RGS2: variants seen among roughly 807,000 people sequenced by gnomAD.
RGS2 encodes the protein G0 to G1 switch regulatory 8, 24kD.
Under a neutral mutation model 26.6 loss-of-function variants are expected in RGS2, and 20 were observed. The observed-to-expected ratio is 0.75, with a 90% CI of 0.53 to 1.09. The LOEUF is 1.09. Ranked by LOEUF, RGS2 falls within the 50% of genes least tolerant of loss-of-function variation. The probability of loss-of-function intolerance (pLI) is 0.00; values close to 1 mark genes in which losing one functional copy is unlikely to be tolerated. For missense variants in RGS2, 246 were observed against 245.5 expected, an observed-to-expected ratio of 1.00 and a Z score of -0.01; for synonymous variants, 97 against 79.9, an observed-to-expected ratio of 1.21 and a Z score of -1.14.
Position 192,811,210 on chromosome 1 carries a change from A to G in RGS2, c.441+63A>G, listed in dbSNP as rs1039766926. On this transcript the variant is annotated intron_variant, in intron 4 of 4. Transcript: ENST00000235382. ...CATCTTTAGCACAAAAGTGAAACAA[A>G]GTAATCAAGGACAAAGCGGGCTAGG... 7.1e-6 allele frequency: 10 copies of G among 1,410,350 alleles called. No individual in the cohort carries two copies. The African/African-American group carries it at 1.8e-4, about 25-fold the overall frequency. The allele number at this position is 1,410,350 out of a possible 1,614,324, so 87.4% of individuals were successfully genotyped here.
In RGS2 at chr1:192,811,691, C is replaced by G; in HGVS notation, c.*95C>G. On this transcript the variant is annotated 3_prime_UTR_variant, in exon 5 of 5. Transcript: ENST00000235382. Reference sequence around the variant, plus strand: ...CATAAAGACTGACCTTGAATTCAGCCTGGGTGTTCAGGAAACATCACTCAG... The same window carrying G: ...CATAAAGACTGACCTTGAATTCAGCGTGGGTGTTCAGGAAACATCACTCAG... 1.6e-6 allele frequency: 2 copies of G among 1,226,190 alleles called. No homozygotes were observed. Among genetic ancestry groups the G allele is most frequent in the Non-Finnish European group, 2.4e-6 (2 of 827,476 alleles). 76.0% of individuals were successfully genotyped at this position (1,226,190 alleles called of 1,614,324 possible).
Position 192,809,259 on chromosome 1 carries a change from C to T in RGS2, c.110+78C>T, listed in dbSNP as rs1045796970. On this transcript the variant is annotated intron_variant, in intron 1 of 4. Coordinates refer to ENST00000235382, the MANE Select transcript of RGS2 (RefSeq NM_002923.4). ...TGCAAACGCGGTACTTTCGGGCTCG[C>T]CTTTGACGTTAGGAAACTAGCCTGA... is the stretch of plus-strand genomic sequence containing the variant. 51 of 1,066,930 alleles carry T rather than the reference C, an allele frequency of 4.8e-5. 1 individual carries two copies. In the South Asian group the frequency reaches 6.2e-4, roughly 13 times the overall value. The allele number at this position is 1,066,930 out of a possible 1,614,324, so 66.1% of individuals were successfully genotyped here. A position where few individuals can be genotyped will look rare whatever the true frequency, so the allele number is the denominator to read the frequency against.
At chr1:192,811,317 ATAATTT>A (rs1259954659) in intron 4 of RGS2, 79 bp from the exon 5 acceptor site, 1 of 1,333,034 alleles carries the variant, frequency 7.5e-7, no homozygotes. Context: ...CTAATCACAC[ATAATTT>A]TTATTTTTTG....
rs1480910145 is a variant in RGS2 at position 192,811,566 on chromosome 1, A to G, written c.606A>G (p.Pro202=). The change falls in exon 5 of 5, where the codon CCA becomes CCG. Residue 202 remains proline (P), a synonymous_variant. Transcript: ENST00000235382. ...SEFYQDLCKK[P]QITTEPHAT The stretch of plus-strand genomic sequence containing the variant: ...TCTACCAGGACTTGTGTAAAAAGCC[A>G]CAAATCACCACAGAGCCTCATGCTA... The G allele has an allele frequency of 3.1e-6, 5 of 1,614,170 alleles. No homozygotes were observed. The highest frequency in any genetic ancestry group is 2.2e-5 in the South Asian group (2 of 91,078).
chr1:192,811,701 AGGAAAC>A lies in RGS2; in HGVS notation c.*106_*111del. 9.2e-7 allele frequency: 1 copy of A among 1,092,048 alleles called. No individual in the cohort carries two copies. Among genetic ancestry groups the A allele is most frequent in the South Asian group, 1.3e-5 (1 of 79,714 alleles). 67.6% of individuals were successfully genotyped at this position (1,092,048 alleles called of 1,614,324 possible). A position where few individuals can be genotyped will look rare whatever the true frequency, so the allele number is the denominator to read the frequency against. On this transcript the variant is annotated 3_prime_UTR_variant, in exon 5 of 5. Transcript: ENST00000235382. ...GACCTTGAATTCAGCCTGGGTGTTC[AGGAAAC>A]ATCACTCAGAACTATTGATTCAAAG... is the stretch of plus-strand genomic sequence containing the variant.
At chr1:192,811,363 T>C (rs183357408) in intron 4 of RGS2, 39 bp from the exon 5 acceptor site, 2 of 1,526,476 alleles carry the variant, frequency 1.3e-6, no homozygotes, top group East Asian at 2.3e-5. Flanking sequence ...AATCTTTAAC[T>C]CTGAATACCA....
rs1665589069 is a variant in RGS2 at position 192,811,316 on chromosome 1, C to G, written c.442-86C>G. The G allele has an allele frequency of 5.3e-6, 7 of 1,320,476 alleles. No individual in the cohort carries two copies. In the South Asian group the frequency reaches 8.7e-5, roughly 16 times the overall value. 81.8% of individuals were successfully genotyped at this position (1,320,476 alleles called of 1,614,324 possible). A position where few individuals can be genotyped will look rare whatever the true frequency, so the allele number is the denominator to read the frequency against. ...GACTTAGCTAGTAAAGCTAATCACACATAATTTTTATTTTTTGTTTTCAAA... is the reference window on the plus strand; with the variant it reads ...GACTTAGCTAGTAAAGCTAATCACAGATAATTTTTATTTTTTGTTTTCAAA... On this transcript the variant is annotated intron_variant, in intron 4 of 4. Transcript: ENST00000235382.
chr1:192,811,697 GTTC>G lies in RGS2; in HGVS notation c.*102_*104del. 8.6e-7 allele frequency: 1 copy of G among 1,165,820 alleles called. No individual in the cohort carries two copies. The highest frequency in any genetic ancestry group is 1.2e-5 in the South Asian group (1 of 81,252). 72.2% of individuals were successfully genotyped at this position (1,165,820 alleles called of 1,614,324 possible). A position where few individuals can be genotyped will look rare whatever the true frequency, so the allele number is the denominator to read the frequency against. The stretch of plus-strand genomic sequence containing the variant: ...GACTGACCTTGAATTCAGCCTGGGT[GTTC>G]AGGAAACATCACTCAGAACTATTGA... On this transcript the variant is annotated 3_prime_UTR_variant, in exon 5 of 5. Coordinates refer to ENST00000235382, the MANE Select transcript of RGS2 (RefSeq NM_002923.4).
chr1:192,809,724 G>A (rs2102105551), intron 1 of RGS2, among the ~76,000 whole-genome samples: 1 of 152,104 alleles, frequency 6.6e-6, no homozygotes, highest in East Asian at 1.9e-4. Flanking sequence ...TACAGTCTCT[G>A]GCGTGGTCCA....
In RGS2 at chr1:192,809,084, A is replaced by G. The variant is rs193051407; in HGVS notation, c.13A>G (p.Met5Val). MQSA[M>V]FLAVQHDCRP... ...CGGGAGAACGATAATGCAAAGTGCTATGTTCTTGGCTGTTCAACACGACTG... is the reference window on the plus strand; with the variant it reads ...CGGGAGAACGATAATGCAAAGTGCTGTGTTCTTGGCTGTTCAACACGACTG... Residue 5 changes from methionine to valine, a missense_variant, in exon 1 of 5, where the codon ATG (methionine) becomes GTG (valine). Coordinates refer to ENST00000235382, the MANE Select transcript of RGS2 (RefSeq NM_002923.4). 3.2e-4 allele frequency: 517 copies of G among 1,612,974 alleles called. No individual in the cohort carries two copies. The highest frequency in any genetic ancestry group is 1.2e-3 in the Admixed American group (74 of 60,022).
At chr1:192,809,263 T>G in intron 1 of RGS2, 82 bp downstream of exon 1, 1 of 1,023,576 alleles carries the variant, frequency 9.8e-7, no homozygotes, top group Non-Finnish European at 1.6e-6. Context: ...GGCTCGCCTT[T>G]GACGTTAGGA....
At position 192,810,058 on chromosome 1, in the gene RGS2, G is replaced by A. The variant is rs1665559130; in HGVS notation, c.111-108G>A. 5.4e-6 allele frequency: 4 copies of A among 739,274 alleles called. No homozygotes were observed. The South Asian group carries it at 5.9e-5, about 11-fold the overall frequency. 45.8% of individuals were successfully genotyped at this position (739,274 alleles called of 1,614,324 possible). ...AAGAGTTCTTGCTTTGCCTTATGCG[G>A]TTTGTCTCTAGTTACTGGGTGACTT... On this transcript the variant is annotated intron_variant, in intron 1 of 4. Coordinates refer to ENST00000235382, the MANE Select transcript of RGS2 (RefSeq NM_002923.4).
Position 192,809,164 on chromosome 1 carries a change from A to G in RGS2, c.93A>G (p.Glu31=), listed in dbSNP as rs1171870138. The stretch of plus-strand genomic sequence containing the variant: ...GCCACAAGAGCGAGGAGAAGCGAGA[A>G]AAGATGAAACGGACCCTGTGAGTAT... ...GSGHKSEEKR[E]KMKRTLLKDW... Residue 31 remains glutamate (E), a synonymous_variant, in exon 1 of 5, where the codon GAA becomes GAG. Coordinates refer to ENST00000235382, the MANE Select transcript of RGS2 (RefSeq NM_002923.4). The G allele has an allele frequency of 6.2e-7, 1 of 1,612,926 alleles. No individual in the cohort carries two copies. Among genetic ancestry groups the G allele is most frequent in the Non-Finnish European group, 8.5e-7 (1 of 1,179,044 alleles).
intron 1 of RGS2, 154 bp downstream of exon 1, chr1:192,809,335 A>G (rs1665549252): frequency 1.5e-6 from 1 of 688,880 alleles, no homozygotes; most frequent in Non-Finnish European, 2.7e-6. Flanking sequence ...AGTAAGGTTA[A>G]ATCTGGGTGA....
At chr1:192,809,229 C>A in intron 1 of RGS2, 48 bp downstream of exon 1, 1 of 1,327,548 alleles carries the variant, frequency 7.5e-7, no homozygotes, top group Non-Finnish European at 1.1e-6. Context: ...CCCCACACTG[C>A]AAGCTGCAAA....
chr1:192,811,187 TC>T, intron 4 of RGS2, 40 bp downstream of exon 4: 1 of 1,599,392 alleles, frequency 6.3e-7, no homozygotes. Flanking sequence ...AATCTGGACA[TC>T]TTTAGCACAA....
chr1:192,809,600 C>G (rs1463702935), intron 1 of RGS2: 22 of 316,296 alleles, frequency 7.0e-5, no homozygotes, highest in Non-Finnish European at 1.0e-4. Context: ...AATTATAGAG[C>G]AGATCTCACC....
Position 192,811,135 on chromosome 1 carries a change from A to C in RGS2, c.429A>C (p.Glu143Asp), listed in dbSNP as rs747156983. ...TATATACTGACTTCATAGAAAAGGA[A>C]GCTCCAAAAGAGGTAAGGAAACAAG... is the stretch of plus-strand genomic sequence containing the variant. Reference protein sequence around the residue: ...RKIYTDFIEKEAPKEINIDFQ... With the variant: ...RKIYTDFIEKDAPKEINIDFQ... The change falls in exon 4 of 5, where the codon GAA becomes GAC. Residue 143 changes from glutamate (E) to aspartate (D), a missense_variant. Glu to Asp is a conservative substitution (Grantham distance 45). Transcript: ENST00000235382. The C allele has an allele frequency of 1.1e-5, 17 of 1,614,058 alleles. No individual in the cohort carries two copies. Among genetic ancestry groups the C allele is most frequent in the Non-Finnish European group, 1.4e-5 (17 of 1,180,028 alleles).
In RGS2 at chr1:192,810,350, A is replaced by G; in HGVS notation, c.213-20A>G. 6 of 1,613,324 alleles carry G rather than the reference A, an allele frequency of 3.7e-6. No homozygotes were observed. The highest frequency in any genetic ancestry group is 5.1e-6 in the Non-Finnish European group (6 of 1,179,206). On this transcript the variant is annotated intron_variant, in intron 2 of 4. Coordinates refer to ENST00000235382, the MANE Select transcript of RGS2 (RefSeq NM_002923.4). ...GGAACTCTGATGTGCGTAAGCTAAC[A>G]TACAGAACCTCTCTTGCAGGCCTTC...
Sources: gnomAD v4.1 joint callset for allele counts (sites outside exome capture counted in the v4.1 genomes callset) on GRCh38, gnomAD v4.1.1 for gene constraint, MANE v1.5 for transcripts, NCBI Gene and HGNC (gene_info 2026-07-23, HGNC 2026-07-21) for gene names.